ABCA4: variants seen among roughly 807,000 people sequenced by gnomAD.
ABCA4 encodes ATP binding cassette subfamily A member 4.
In ABCA4, 196 loss-of-function variants were observed where a neutral mutation model predicts 263.7. The ratio of observed to expected loss-of-function variants is 0.74; its 90% CI spans 0.66 to 0.84. The LOEUF is 0.84. Among genes scored for constraint, ABCA4 ranks in the 40% least tolerant of loss-of-function variants. The probability of loss-of-function intolerance (pLI) is 0.00; values close to 1 mark genes in which losing one functional copy is unlikely to be tolerated. For synonymous variants in ABCA4, 1,133 were observed against 1,094.2 expected (o/e 1.04, Z -0.70); for missense variants, 2,792 against 2,855.1 (o/e 0.98, Z 0.50).
chr1:94,051,508 A>G lies in ABCA4; in HGVS notation c.2653+125T>C, dbSNP rs932072152. On this transcript the variant is annotated intron_variant, in intron 17 of 49. Transcript: ENST00000370225. ...GCCCATCAAGGGGCAGAGCCCCAGGAGGCAGCTGACTCATCAGGAATCACA... is the reference window on the plus strand; with the variant it reads ...GCCCATCAAGGGGCAGAGCCCCAGGGGGCAGCTGACTCATCAGGAATCACA... The G allele has an allele frequency of 9.4e-6, 8 of 850,694 alleles. No individual in the cohort carries two copies. The African/African-American group carries it at 1.2e-4, about 13-fold the overall frequency. The allele number at this position is 850,694 out of a possible 1,614,324, so 52.7% of individuals were successfully genotyped here. A position where few individuals can be genotyped will look rare whatever the true frequency, so the allele number is the denominator to read the frequency against.
At chr1:94,028,930 A>AAAAAAAAAAAAACAAAAC (rs35998587) in intron 30 of ABCA4, among the ~76,000 whole-genome samples, 1 of 108,032 alleles carries the variant, frequency 9.3e-6, no homozygotes, top group Non-Finnish European at 1.8e-5. Context: ...AAAAAAAAAA[A>AAAAAAAAAAAAACAAAAC]GAAATTCAAA....
In ABCA4 at chr1:94,029,279, G is replaced by A. The variant is rs186303476; in HGVS notation, c.4539+166C>T. On this transcript the variant is annotated intron_variant, in intron 30 of 49. Coordinates refer to ENST00000370225, the MANE Select transcript of ABCA4 (RefSeq NM_000350.3). The stretch of plus-strand genomic sequence containing the variant: ...GCTTCCTCCAGTTGGCAGCCACAGC[G>A]CCCTGTGGGGAGCCCCTCCCAGAGG... 6.2e-4 allele frequency among the ~76,000 whole-genome samples: 94 copies of A among 152,254 alleles called. 1 individual carries two copies. The highest frequency in any genetic ancestry group is 2.2e-3 in the African/African-American group (92 of 41,548).
chr1:94,024,473 G>C (rs1454163561), intron 31 of ABCA4, among the ~76,000 whole-genome samples: 1 of 152,164 alleles, frequency 6.6e-6, no homozygotes, highest in Non-Finnish European at 1.5e-5. Flanking sequence ...GGCTCGCCCT[G>C]GCGTGTGCTG....
At chr1:94,065,335 T>G (rs370221198) in intron 11 of ABCA4, among the ~76,000 whole-genome samples, 5 of 151,922 alleles carry the variant, frequency 3.3e-5, no homozygotes, top group African/African-American at 1.2e-4. Flanking sequence ...CGTGGTAGAG[T>G]AGGTATCAAA....
intron 11 of ABCA4, among the ~76,000 whole-genome samples, chr1:94,063,978 ATGTT>A: frequency 6.6e-6 from 1 of 152,170 alleles, no homozygotes; most frequent in East Asian, 1.9e-4. Flanking sequence ...AGAACTAAGA[ATGTT>A]TGAAAATTTG....
chr1:94,067,205 G>T (rs1032899222), intron 11 of ABCA4, among the ~76,000 whole-genome samples: 1 of 147,302 alleles, frequency 6.8e-6, no homozygotes, highest in African/African-American at 2.5e-5. Flanking sequence ...CAGTGCTAAT[G>T]ACAGTATACC....
At chr1:94,053,286 C>T (rs1457283324) in intron 16 of ABCA4, among the ~76,000 whole-genome samples, 1 of 152,166 alleles carries the variant, frequency 6.6e-6, no homozygotes, top group African/African-American at 2.4e-5. Flanking sequence ...ACGGGGAAGC[C>T]TTGTGGGACT....
intron 14 of ABCA4, 122 bp from the exon 15 acceptor site, chr1:94,056,944 T>C (rs527467832): frequency 1.1e-5 from 9 of 816,086 alleles, no homozygotes; most frequent in Non-Finnish European, 1.6e-5. Flanking sequence ...GCACACTCCA[T>C]GTGCTGAGTT....
At position 94,039,755 on chromosome 1, in the gene ABCA4, C is replaced by T. The variant is rs1262507886; in HGVS notation, c.3607+288G>A. Among the ~76,000 whole-genome samples, 4 of 152,156 alleles carry T rather than the reference C, an allele frequency of 2.6e-5. No individual in the cohort carries two copies. The East Asian group carries it at 7.7e-4, about 29-fold the overall frequency. On this transcript the variant is annotated intron_variant, in intron 24 of 49. Coordinates refer to ENST00000370225, the MANE Select transcript of ABCA4 (RefSeq NM_000350.3). ...AGACACTAAGGAATGTGGCCTGGAG[C>T]CAGGGCAGGGGGACCCCAGGAATGA...
intron 16 of ABCA4, among the ~76,000 whole-genome samples, chr1:94,053,675 C>T (rs1660898669): frequency 6.6e-6 from 1 of 152,246 alleles, no homozygotes; most frequent in South Asian, 2.1e-4. Flanking sequence ...CAAGCACCTA[C>T]AGGTTTCAGA....
chr1:93,999,237 G>C (rs981274172), intron 47 of ABCA4, among the ~76,000 whole-genome samples: 2 of 151,942 alleles, frequency 1.3e-5, no homozygotes, highest in Non-Finnish European at 2.9e-5. Context: ...GTAGAGACAG[G>C]GTTTCACCGT....
Position 94,007,673 on chromosome 1 carries a change from G to T in ABCA4, c.5966C>A (p.Thr1989Asn). The T allele has an allele frequency of 6.2e-7, 1 of 1,614,088 alleles. No individual in the cohort carries two copies. The highest frequency in any genetic ancestry group is 1.1e-5 in the South Asian group (1 of 91,086). The change falls in exon 43 of 50, where the codon ACC becomes AAC. Residue 1989 changes from threonine to asparagine, a missense_variant. By Grantham distance (65) the Thr-to-Asn change is moderately conservative. Transcript: ENST00000370225. ...GGTGGCATCCCCTGAGGTCACTGTGGTGTCCCCAGTGAGCATCTTGAATGT... is the reference window on the plus strand; with the variant it reads ...GGTGGCATCCCCTGAGGTCACTGTGTTGTCCCCAGTGAGCATCTTGAATGT... ...TTTFKMLTGDTTVTSGDATVA... is the reference protein window; with the variant it reads ...TTTFKMLTGDNTVTSGDATVA...
intron 23 of ABCA4, among the ~76,000 whole-genome samples, chr1:94,040,659 A>C (rs1187255678): frequency 1.3e-5 from 2 of 152,212 alleles, no homozygotes; most frequent in African/African-American, 4.8e-5. Context: ...AGAAAAAAAT[A>C]CTAAAAAAAA....
At chr1:94,110,206 G>A (rs190011264) in intron 3 of ABCA4, among the ~76,000 whole-genome samples, 1 of 152,306 alleles carries the variant, frequency 6.6e-6, no homozygotes, top group East Asian at 1.9e-4. Flanking sequence ...GAAGACAGAT[G>A]TTTCCTCTTC....
At chr1:94,120,038 A>T (rs912689165) in intron 1 of ABCA4, among the ~76,000 whole-genome samples, 1 of 152,058 alleles carries the variant, frequency 6.6e-6, no homozygotes, top group Non-Finnish European at 1.5e-5. Flanking sequence ...GCATTTGCAC[A>T]ACTCTGCAAG....
At chr1:94,095,772 T>A (rs147016513) in intron 6 of ABCA4, among the ~76,000 whole-genome samples, 2,654 of 148,720 alleles carry the variant, frequency 0.018, 37 homozygotes, top group Middle Eastern at 0.074. Flanking sequence ...TTTTGTAAAT[T>A]TTTGTTTTTA....
intron 6 of ABCA4, 29 bp from the exon 7 acceptor site, chr1:94,083,470 A>AAT (rs1661756058): frequency 1.3e-6 from 2 of 1,553,972 alleles, no homozygotes; most frequent in Non-Finnish European, 1.8e-6. Context: ...CAATTTTTTA[A>AAT]ATATATATAT....
Position 94,056,589 on chromosome 1 carries a change from C to G in ABCA4, c.2382+12G>C, listed in dbSNP as rs754459805. On this transcript the variant is annotated intron_variant, in intron 15 of 49. Transcript: ENST00000370225. ...ACGTGTTGTAGGACAGGGGCCAGCCCAAGGGCCTCACCACAGCCTTCTTCA... is the reference window on the plus strand; with the variant it reads ...ACGTGTTGTAGGACAGGGGCCAGCCGAAGGGCCTCACCACAGCCTTCTTCA... 2 of 1,611,572 alleles carry G rather than the reference C, an allele frequency of 1.2e-6. No individual in the cohort carries two copies. The highest frequency in any genetic ancestry group is 3.3e-5 in the Admixed American group (2 of 59,980).
Position 94,011,366 on chromosome 1 carries a change from G to A in ABCA4, c.5480C>T (p.Ala1827Val). ...GACAATGAGCAGCTTCCTCAGCACGGCGTTGAACCTGAGCAGCGTCTGAAA... is the reference window on the plus strand; with the variant it reads ...GACAATGAGCAGCTTCCTCAGCACGACGTTGAACCTGAGCAGCGTCTGAAA... ...ENNRTLLRFN[A>V]VLRKLLIVFP... is the part of the protein sequence containing the mutation. Residue 1827 changes from alanine to valine, a missense_variant, in exon 39 of 50, where the codon GCC becomes GTC. Coordinates refer to ENST00000370225, the MANE Select transcript of ABCA4 (RefSeq NM_000350.3). The A allele has an allele frequency of 1.2e-6, 2 of 1,614,086 alleles. No homozygotes were observed. The highest frequency in any genetic ancestry group is 1.7e-6 in the Non-Finnish European group (2 of 1,180,000).
Sources: gnomAD v4.1 joint callset for allele counts (sites outside exome capture counted in the v4.1 genomes callset) on GRCh38, gnomAD v4.1.1 for gene constraint, MANE v1.5 for transcripts, NCBI Gene and HGNC (gene_info 2026-07-23, HGNC 2026-07-21) for gene names.